The following NKAIN2 variants were observed in gnomAD, a reference collection of about 807,000 sequenced individuals.
The protein encoded by NKAIN2 is sodium/potassium-transporting ATPase subunit beta-1-interacting protein 2.
In NKAIN2, 14 loss-of-function variants were observed where a neutral mutation model predicts 32.6. That is an observed-to-expected ratio of 0.43 (90% CI 0.28 to 0.67). The LOEUF is 0.67. NKAIN2 is among the 30% of genes least tolerant of loss of function. NKAIN2 has a pLI of 0.17. For synonymous variants in NKAIN2, 80 were observed against 87.2 expected (o/e 0.92, Z 0.46); for missense variants, 198 against 258.3 (o/e 0.77, Z 1.60).
intron 3 of NKAIN2, among the ~76,000 whole-genome samples, chr6:124,452,195 GAAAA>G (rs11300457): frequency 7.5e-6 from 1 of 133,396 alleles, no homozygotes. Flanking sequence ...ACATCATCTC[GAAAA>G]AAAAAAAAAA....
chr6:124,350,551 AGTAGCAATTACCCTCT>A (rs997099479), intron 2 of NKAIN2, among the ~76,000 whole-genome samples: 41 of 152,368 alleles, frequency 2.7e-4, no homozygotes, highest in African/African-American at 8.4e-4. Flanking sequence ...GTGATGCACA[AGTAGCAATTACCCTCT>A]GTAGCACTAG....
Position 124,121,059 on chromosome 6 carries a change from A to G in NKAIN2, c.55-161946A>G, listed in dbSNP as rs556178702. On this transcript the variant is annotated intron_variant, in intron 1 of 6. Transcript: ENST00000368417. Reference sequence around the variant, plus strand: ...GGCTAAATAAAGATCAATAAAAGCTAAACCGAATGTTCCTGAAATCTTTTC... The same window carrying G: ...GGCTAAATAAAGATCAATAAAAGCTGAACCGAATGTTCCTGAAATCTTTTC... Among the ~76,000 whole-genome samples, 6 of 152,272 alleles carry G rather than the reference A, an allele frequency of 3.9e-5. No individual in the cohort carries two copies. The East Asian group carries it at 1.2e-3, about 29-fold the overall frequency.
At chr6:124,727,311 G>A (rs533047163) in intron 4 of NKAIN2, among the ~76,000 whole-genome samples, 1 of 152,214 alleles carries the variant, frequency 6.6e-6, no homozygotes, top group Admixed American at 6.5e-5. Flanking sequence ...CAGAGAGAAA[G>A]GTCGGGTTAC....
chr6:123,867,297 C>T (rs1772586165), intron 1 of NKAIN2, among the ~76,000 whole-genome samples: 1 of 152,156 alleles, frequency 6.6e-6, no homozygotes, highest in Admixed American at 6.5e-5. Context: ...CCATTAAGAA[C>T]AAGTACATGT....
At chr6:124,462,152 A>G (rs1012103107) in intron 3 of NKAIN2, among the ~76,000 whole-genome samples, 1 of 151,878 alleles carries the variant, frequency 6.6e-6, no homozygotes, top group Non-Finnish European at 1.5e-5. Context: ...TTCTAAAAGC[A>G]TTACCTACAA....
chr6:124,230,593 G>A (rs1472558793), intron 1 of NKAIN2, among the ~76,000 whole-genome samples: 1 of 152,158 alleles, frequency 6.6e-6, no homozygotes, highest in Non-Finnish European at 1.5e-5. Context: ...AATGCTGTTT[G>A]CAGTCTAGGG....
At chr6:124,334,887 C>T (rs534053648) in intron 2 of NKAIN2, among the ~76,000 whole-genome samples, 18 of 152,258 alleles carry the variant, frequency 1.2e-4, no homozygotes, top group African/African-American at 3.9e-4. Flanking sequence ...GTTGAGCCCA[C>T]GCTCAGGAAT....
intron 3 of NKAIN2, among the ~76,000 whole-genome samples, chr6:124,590,528 G>A (rs889651993): frequency 5.9e-5 from 9 of 152,190 alleles, no homozygotes; most frequent in Admixed American, 2.6e-4. Flanking sequence ...CATGAGAGCC[G>A]ATGGATACTG....
At chr6:123,996,098 G>A (rs1259338206) in intron 1 of NKAIN2, among the ~76,000 whole-genome samples, 1 of 151,982 alleles carries the variant, frequency 6.6e-6, no homozygotes, top group Non-Finnish European at 1.5e-5. Context: ...CACAAAGGAA[G>A]GGTATTTGAG....
At chr6:124,606,134 C>T (rs1252017957) in intron 3 of NKAIN2, among the ~76,000 whole-genome samples, 3 of 151,970 alleles carry the variant, frequency 2.0e-5, no homozygotes, top group Non-Finnish European at 4.4e-5. Context: ...AATTTGGCCT[C>T]ATTTTAAATC....
intron 3 of NKAIN2, among the ~76,000 whole-genome samples, chr6:124,447,870 T>G (rs770364447): frequency 4.5e-4 from 68 of 152,236 alleles, no homozygotes; most frequent in Non-Finnish European, 7.6e-4. Flanking sequence ...TGGCCCTCTG[T>G]CTTCACCTTT....
intron 4 of NKAIN2, among the ~76,000 whole-genome samples, chr6:124,777,124 A>G (rs946048271): frequency 1.3e-5 from 2 of 152,196 alleles, no homozygotes; most frequent in Non-Finnish European, 1.5e-5. Context: ...ATTCTGTATA[A>G]TTCAGATTTT....
chr6:124,563,369 C>G (rs987469689), intron 3 of NKAIN2, among the ~76,000 whole-genome samples: 1 of 152,202 alleles, frequency 6.6e-6, no homozygotes, highest in Non-Finnish European at 1.5e-5. Flanking sequence ...TAATCAAATA[C>G]TTTCAAATAT....
At chr6:124,111,700 T>C (rs1406748649) in intron 1 of NKAIN2, among the ~76,000 whole-genome samples, 1 of 152,098 alleles carries the variant, frequency 6.6e-6, no homozygotes, top group Non-Finnish European at 1.5e-5. Flanking sequence ...GCTATTGACA[T>C]TTTGTTAGTT....
rs1254844438 is a variant in NKAIN2, at chr6:124,268,112, A to T, written c.55-14893A>T. On this transcript the variant is annotated intron_variant, in intron 1 of 6. Coordinates refer to ENST00000368417, the MANE Select transcript of NKAIN2 (RefSeq NM_001040214.3). ...ATGTAATAACAAGTAAAATTGATAT[A>T]CTTGCATTTGTGTTTACAACAAGCA... 2.0e-5 allele frequency among the ~76,000 whole-genome samples: 3 copies of T among 152,314 alleles called. No homozygotes were observed. The East Asian group carries it at 5.8e-4, about 29-fold the overall frequency.
At chr6:124,280,335 T>G (rs1301608865) in intron 1 of NKAIN2, among the ~76,000 whole-genome samples, 1 of 152,180 alleles carries the variant, frequency 6.6e-6, no homozygotes, top group African/African-American at 2.4e-5. Context: ...AAGTAGCATA[T>G]ATTATATAAT....
chr6:124,418,333 T>C (rs890495935), intron 3 of NKAIN2, among the ~76,000 whole-genome samples: 4 of 152,010 alleles, frequency 2.6e-5, no homozygotes, highest in African/African-American at 4.8e-5. Context: ...CACAAAATAA[T>C]ATTTTGTTGT....
intron 3 of NKAIN2, among the ~76,000 whole-genome samples, chr6:124,377,598 C>T (rs1425934172): frequency 6.6e-6 from 1 of 152,054 alleles, no homozygotes; most frequent in African/African-American, 2.4e-5. Context: ...AAGCTGAGAA[C>T]TTCACTGGCC....
intron 3 of NKAIN2, among the ~76,000 whole-genome samples, chr6:124,629,612 A>G (rs1161487316): frequency 6.6e-6 from 1 of 152,202 alleles, no homozygotes; most frequent in African/African-American, 2.4e-5. Flanking sequence ...ATTTTAGAAT[A>G]CAAGTTTTTT....
Sources: gnomAD v4.1 joint callset for allele counts (sites outside exome capture counted in the v4.1 genomes callset) on GRCh38, gnomAD v4.1.1 for gene constraint, MANE v1.5 for transcripts, NCBI Gene and HGNC (gene_info 2026-07-23, HGNC 2026-07-21) for gene names.